The following PITPNM2 variants were observed in gnomAD, a reference collection of about 807,000 sequenced individuals.
PITPNM2 encodes the protein membrane-associated phosphatidylinositol transfer protein 2.
In PITPNM2, 35 loss-of-function variants were observed where a neutral mutation model predicts 132.2. The observed-to-expected ratio is 0.26, with a 90% CI of 0.20 to 0.35. PITPNM2 has a LOEUF of 0.35. PITPNM2 is among the 10% of genes least tolerant of loss of function. PITPNM2 has a pLI of 1.00. For synonymous variants in PITPNM2, 738 were observed against 799.2 expected (o/e 0.92, Z 1.29); for missense variants, 1,332 against 1,912.0 (o/e 0.70, Z 5.66).
chr12:123,042,358 C>T (rs1592967786), intron 2 of PITPNM2, among the ~76,000 whole-genome samples: 2 of 152,148 alleles, frequency 1.3e-5, no homozygotes, highest in Admixed American at 6.5e-5. Context: ...CTCCTTTAAG[C>T]GGAGGCCATG....
intron 3 of PITPNM2, among the ~76,000 whole-genome samples, chr12:123,027,368 G>C (rs1328972087): frequency 1.3e-5 from 2 of 152,182 alleles, no homozygotes; most frequent in Non-Finnish European, 2.9e-5. Flanking sequence ...AGGGTGGAGA[G>C]CATGTAACCT....
chr12:123,050,652 G>A (rs142557309), intron 2 of PITPNM2, among the ~76,000 whole-genome samples: 6 of 152,322 alleles, frequency 3.9e-5, no homozygotes, highest in African/African-American at 1.2e-4. Flanking sequence ...GCACATTCAC[G>A]TGTCTGTACA....
At chr12:123,045,142 G>C (rs974895494) in intron 2 of PITPNM2, among the ~76,000 whole-genome samples, 1 of 152,100 alleles carries the variant, frequency 6.6e-6, no homozygotes, top group Non-Finnish European at 1.5e-5. Context: ...TCTCCCTAAT[G>C]GACCTCCTCA....
chr12:123,002,646 G>C (rs1369574212), intron 8 of PITPNM2, among the ~76,000 whole-genome samples: 3 of 152,134 alleles, frequency 2.0e-5, no homozygotes, highest in African/African-American at 4.8e-5. Flanking sequence ...TTGAGCTCCT[G>C]GGCTTAAGCG....
chr12:123,054,754 C>T (rs1393281200), intron 2 of PITPNM2, among the ~76,000 whole-genome samples: 2 of 152,198 alleles, frequency 1.3e-5, no homozygotes, highest in African/African-American at 2.4e-5. Flanking sequence ...AAACCCTTTC[C>T]TCCTGAAGGG....
chr12:123,071,076 G>A (rs1382350565), intron 2 of PITPNM2, among the ~76,000 whole-genome samples: 1 of 152,204 alleles, frequency 6.6e-6, no homozygotes, highest in Non-Finnish European at 1.5e-5. Context: ...GCCTGGCTCA[G>A]TGTCCCCATC....
intron 2 of PITPNM2, among the ~76,000 whole-genome samples, chr12:123,046,012 C>G (rs992737694): frequency 6.6e-6 from 1 of 152,064 alleles, no homozygotes; most frequent in Non-Finnish European, 1.5e-5. Context: ...CTCTCTGTGT[C>G]GCCTAAGACA....
At chr12:123,118,083 G>T (rs1001891070) in intron 1 of PITPNM2, among the ~76,000 whole-genome samples, 4 of 152,236 alleles carry the variant, frequency 2.6e-5, no homozygotes, top group Non-Finnish European at 5.9e-5. Context: ...AGACAAGAGT[G>T]GGGATAAGCC....
chr12:123,100,487 G>A (rs957695684), intron 2 of PITPNM2, among the ~76,000 whole-genome samples: 3 of 152,166 alleles, frequency 2.0e-5, no homozygotes, highest in African/African-American at 2.4e-5. Context: ...TTAATTGGAC[G>A]TGGTAGTGGA....
chr12:123,135,735 C>A (rs1329694194), intron 1 of PITPNM2, among the ~76,000 whole-genome samples: 1 of 152,142 alleles, frequency 6.6e-6, no homozygotes, highest in Non-Finnish European at 1.5e-5. Context: ...TCTCGCTACG[C>A]TGCCCAGGCT....
intron 2 of PITPNM2, among the ~76,000 whole-genome samples, chr12:123,059,617 C>G (rs1279825739): frequency 5.9e-5 from 9 of 152,196 alleles, no homozygotes; most frequent in Non-Finnish European, 1.5e-5. Flanking sequence ...GGAGCTCCAC[C>G]CAGGCTGCAC....
chr12:122,995,559 G>A lies in PITPNM2; in HGVS notation c.1884C>T (p.Gly628=). The A allele has an allele frequency of 5.6e-6, 9 of 1,609,052 alleles. No individual in the cohort carries two copies. The highest frequency in any genetic ancestry group is 7.6e-6 in the Non-Finnish European group (9 of 1,179,816). The part of the protein sequence containing the change: ...GGGGGSSGGG[G]SSGGSSLESS... ...TCTCCAGGCTGGAGCCACCACTACT[G>A]CCACCACCACCACTGCTGCCACCAC... is the stretch of plus-strand genomic sequence containing the variant. Residue 628 remains glycine, a synonymous_variant, in exon 14 of 26, where the codon GGC becomes GGT. Coordinates refer to ENST00000320201, the MANE Select transcript of PITPNM2 (RefSeq NM_020845.3).
Position 123,008,104 on chromosome 12 carries a change from C to T in PITPNM2, c.643+1746G>A, listed in dbSNP as rs2039019532. On this transcript the variant is annotated intron_variant, in intron 6 of 25. Transcript: ENST00000320201. The surrounding 1 kb of genome is among the most constrained non-coding windows in gnomAD (Gnocchi z 4.1). ...AAAGCTCAGTGAGGCTGAGAGACCA[C>T]AGAGCCACTACGTGTGAGTCAGGCC... is the stretch of plus-strand genomic sequence containing the variant. Among the ~76,000 whole-genome samples, 1 of 152,230 alleles carries T rather than the reference C, an allele frequency of 6.6e-6. No individual in the cohort carries two copies. The highest frequency in any genetic ancestry group is 2.1e-4 in the South Asian group (1 of 4,838).
At chr12:123,147,083 C>A (rs953993140) in intron 1 of PITPNM2, among the ~76,000 whole-genome samples, 28 of 152,214 alleles carry the variant, frequency 1.8e-4, no homozygotes, top group African/African-American at 5.5e-4. Context: ...AGATTTTAGA[C>A]TCTAAGTCCT....
At chr12:123,068,179 C>A (rs2041490507) in intron 2 of PITPNM2, among the ~76,000 whole-genome samples, 2 of 72,870 alleles carry the variant, frequency 2.7e-5, no homozygotes, top group East Asian at 6.1e-4. Flanking sequence ...TAAAAATCCA[C>A]GGGCACGGCC....
chr12:123,006,409 A>G (rs1312468463), intron 6 of PITPNM2, among the ~76,000 whole-genome samples: 1 of 151,982 alleles, frequency 6.6e-6, no homozygotes, highest in African/African-American at 2.4e-5. Context: ...AGTATAAAAA[A>G]CAATTAAAGG....
At chr12:123,140,764 C>A (rs1330332114) in intron 1 of PITPNM2, among the ~76,000 whole-genome samples, 1 of 152,112 alleles carries the variant, frequency 6.6e-6, no homozygotes, top group Non-Finnish European at 1.5e-5. Context: ...CTCCAGCCTA[C>A]AGGTGCATGG....
rs1355738263 is a variant in PITPNM2 at position 123,151,036 on chromosome 12, G to A, written c.-483C>T. ...GCCGGGCGGGCGGCCGGGGCCGGCTGGACAGCTCTACGCCGCGGCGCCGCG... is the reference window on the plus strand; with the variant it reads ...GCCGGGCGGGCGGCCGGGGCCGGCTAGACAGCTCTACGCCGCGGCGCCGCG... On this transcript the variant is annotated 5_prime_UTR_variant, in exon 1 of 26. Transcript: ENST00000320201. Among the ~76,000 whole-genome samples, 2 of 145,954 alleles carry A rather than the reference G, an allele frequency of 1.4e-5. No homozygotes were observed. The highest frequency in any genetic ancestry group is 4.0e-4 in the East Asian group (2 of 5,054).
Position 123,078,274 on chromosome 12 carries a change from C to T in PITPNM2, c.-96+32111G>A, listed in dbSNP as rs1340265811. Reference sequence around the variant, plus strand: ...AGCCAATCCCACAGTTCTGCTGCTGCAGCCTCCCCCATACCAGGCCTCAGG... The same window carrying T: ...AGCCAATCCCACAGTTCTGCTGCTGTAGCCTCCCCCATACCAGGCCTCAGG... On this transcript the variant is annotated intron_variant, in intron 2 of 25. Coordinates refer to ENST00000320201, the MANE Select transcript of PITPNM2 (RefSeq NM_020845.3). This position sits in a 1 kb window ranked among gnomAD's most constrained non-coding sequence, Gnocchi z 7.3. Among the ~76,000 whole-genome samples, 2 of 152,200 alleles carry T rather than the reference C, an allele frequency of 1.3e-5. No individual in the cohort carries two copies. The highest frequency in any genetic ancestry group is 2.9e-5 in the Non-Finnish European group (2 of 68,026).
Sources: allele counts gnomAD v4.1 joint callset (sites outside exome capture counted in the v4.1 genomes callset), GRCh38; gene constraint gnomAD v4.1.1; non-coding constraint Gnocchi (gnomAD v3.1); transcripts MANE v1.5; gene names NCBI Gene and HGNC (gene_info 2026-07-23, HGNC 2026-07-21).